ARHGAP26: variants seen among roughly 807,000 people sequenced by gnomAD.
ARHGAP26 encodes the protein Rho GTPase activating protein 26.
ARHGAP26 carries 38 observed loss-of-function variants against 104.8 expected under a neutral mutation model. That is an observed-to-expected ratio of 0.36 (90% CI 0.28 to 0.48). The LOEUF (loss-of-function observed/expected upper bound fraction) is 0.48, where lower values mean the gene tolerates loss of function less well. ARHGAP26 is among the 20% of genes least tolerant of loss of function. ARHGAP26 has a pLI of 0.99. For synonymous variants in ARHGAP26, 341 were observed against 340.0 expected (o/e 1.00, Z -0.03); for missense variants, 704 against 947.9 (o/e 0.74, Z 3.38).
intron 11 of ARHGAP26, among the ~76,000 whole-genome samples, chr5:142,941,069 C>G (rs1394865508): frequency 2.3e-5 from 2 of 86,430 alleles, no homozygotes; most frequent in Non-Finnish European, 4.0e-5. Flanking sequence ...AGAGCGACTC[C>G]ATCTCAAAAA....
intron 11 of ARHGAP26, among the ~76,000 whole-genome samples, chr5:142,934,191 A>T (rs923116953): frequency 6.6e-6 from 1 of 152,130 alleles, no homozygotes; most frequent in Admixed American, 6.5e-5. Flanking sequence ...CACCACTTAG[A>T]TATTTGTTCT....
chr5:142,904,009 C>T (rs1760742985), intron 8 of ARHGAP26, among the ~76,000 whole-genome samples: 1 of 152,146 alleles, frequency 6.6e-6, no homozygotes, highest in Admixed American at 6.5e-5. Flanking sequence ...GTCTTACATG[C>T]TAGGCCCCTG....
chr5:142,879,542 A>G, intron 4 of ARHGAP26, 97 bp downstream of exon 4: 1 of 1,152,824 alleles, frequency 8.7e-7, no homozygotes, highest in South Asian at 1.6e-5. Context: ...ATGTCTTCAG[A>G]AAATCGAAGC....
At chr5:143,215,872 C>T (rs1363239705) in intron 22 of ARHGAP26, among the ~76,000 whole-genome samples, 6 of 152,114 alleles carry the variant, frequency 3.9e-5, no homozygotes, top group African/African-American at 1.2e-4. Context: ...TAGATGGGCA[C>T]GTTGTTTCCT....
intron 11 of ARHGAP26, among the ~76,000 whole-genome samples, chr5:142,991,264 T>G (rs245716): frequency 0.95 from 145,349 of 152,262 alleles, 69,589 homozygotes; most frequent in Non-Finnish European, 0.99. Flanking sequence ...CTCTGAGCCA[T>G]GTGCAGGATA....
At chr5:143,187,777 G>T (rs1319923008) in intron 20 of ARHGAP26, among the ~76,000 whole-genome samples, 1 of 152,224 alleles carries the variant, frequency 6.6e-6, no homozygotes, top group Non-Finnish European at 1.5e-5. Flanking sequence ...AGTGACAGGG[G>T]AGTGTCCAGC....
At chr5:143,017,967 A>C (rs1779818110) in intron 12 of ARHGAP26, among the ~76,000 whole-genome samples, 1 of 152,084 alleles carries the variant, frequency 6.6e-6, no homozygotes, top group South Asian at 2.1e-4. Context: ...AGTCCCACCA[A>C]CCCTACATGC....
At chr5:142,961,507 G>A (rs1382372595) in intron 11 of ARHGAP26, among the ~76,000 whole-genome samples, 1 of 152,006 alleles carries the variant, frequency 6.6e-6, no homozygotes, top group African/African-American at 2.4e-5. Context: ...AACAAAAGGG[G>A]GGTCCAGAGA....
chr5:142,954,837 G>A (rs1437026012), intron 11 of ARHGAP26, among the ~76,000 whole-genome samples: 1 of 152,178 alleles, frequency 6.6e-6, no homozygotes, highest in Non-Finnish European at 1.5e-5. Flanking sequence ...GTTTAGGAAT[G>A]TGCAGTATAC....
intron 19 of ARHGAP26, among the ~76,000 whole-genome samples, chr5:143,135,182 T>G (rs1797774718): frequency 6.6e-6 from 1 of 152,238 alleles, no homozygotes; most frequent in African/African-American, 2.4e-5. Context: ...CGTCTGGGTG[T>G]GATTCTGCCT....
chr5:143,167,459 C>T (rs1270386120), intron 20 of ARHGAP26, among the ~76,000 whole-genome samples: 1 of 120,496 alleles, frequency 8.3e-6, no homozygotes, highest in Admixed American at 1.1e-4. Flanking sequence ...CTCCAGCCTG[C>T]ATGACAGAGC....
At chr5:143,151,283 A>C (rs1799809675) in intron 20 of ARHGAP26, among the ~76,000 whole-genome samples, 1 of 152,230 alleles carries the variant, frequency 6.6e-6, no homozygotes. Flanking sequence ...AATGCTGGCT[A>C]GGATGTGGAG....
intron 10 of ARHGAP26, among the ~76,000 whole-genome samples, chr5:142,929,148 A>G (rs1456671042): frequency 6.6e-6 from 1 of 152,154 alleles, no homozygotes; most frequent in Admixed American, 6.5e-5. Flanking sequence ...TATGTTGGCC[A>G]GGATTGTCTG....
At chr5:142,782,253 C>T (rs926178632) in intron 1 of ARHGAP26, among the ~76,000 whole-genome samples, 2 of 152,180 alleles carry the variant, frequency 1.3e-5, no homozygotes, top group East Asian at 3.8e-4. Context: ...CAGGTGGAGA[C>T]ACCCACAAGG....
At chr5:143,025,900 A>G (rs1373233967) in intron 12 of ARHGAP26, among the ~76,000 whole-genome samples, 6 of 152,084 alleles carry the variant, frequency 3.9e-5, no homozygotes, top group African/African-American at 1.2e-4. Context: ...TGTTCCTGCT[A>G]CCTATTTTAC....
chr5:143,124,498 G>C (rs1796495910), intron 18 of ARHGAP26, among the ~76,000 whole-genome samples: 1 of 152,094 alleles, frequency 6.6e-6, no homozygotes, highest in South Asian at 2.1e-4. Flanking sequence ...GGGACTGGAG[G>C]GTCCAAGGTG....
Position 142,951,058 on chromosome 5 carries a change from C to T in ARHGAP26, c.1107+18933C>T, listed in dbSNP as rs1009160949. Among the ~76,000 whole-genome samples the T allele has an allele frequency of 6.6e-5, 10 of 151,384 alleles. No individual in the cohort carries two copies. The South Asian group carries it at 1.1e-3, about 16-fold the overall frequency. ...TTCCCTTTCCCTTCCCCTTCCCCTT[C>T]CCCCTCCCCTTCCCTTTCCGAGACA... On this transcript the variant is annotated intron_variant, in intron 11 of 22. Transcript: ENST00000645722.
chr5:143,023,658 C>T (rs1360500364), intron 12 of ARHGAP26, among the ~76,000 whole-genome samples: 1 of 152,184 alleles, frequency 6.6e-6, no homozygotes, highest in Non-Finnish European at 1.5e-5. Flanking sequence ...CAGGCCTCTG[C>T]TGGTCGGTGG....
intron 1 of ARHGAP26, among the ~76,000 whole-genome samples, chr5:142,827,598 C>T (rs1376751456): frequency 6.6e-6 from 1 of 152,130 alleles, no homozygotes; most frequent in Non-Finnish European, 1.5e-5. Flanking sequence ...GTCCTTACTG[C>T]CTCATTCACC....
Sources: allele counts gnomAD v4.1 joint callset (sites outside exome capture counted in the v4.1 genomes callset), GRCh38; gene constraint gnomAD v4.1.1; transcripts MANE v1.5; gene names NCBI Gene and HGNC (gene_info 2026-07-23, HGNC 2026-07-21).